PCDHA1: variants seen among roughly 807,000 people sequenced by gnomAD.
The protein encoded by PCDHA1 is protocadherin alpha 1, also known as protocadherin alpha-1.
PCDHA1 carries 42 observed loss-of-function variants against 61.3 expected under a neutral mutation model. The observed-to-expected ratio is 0.69, with a 90% CI of 0.54 to 0.89. The LOEUF (loss-of-function observed/expected upper bound fraction) is 0.89, where lower values mean the gene tolerates loss of function less well. Ranked by LOEUF, PCDHA1 falls within the 40% of genes least tolerant of loss-of-function variation. The pLI, the probability that PCDHA1 is intolerant of heterozygous loss-of-function variation, is 0.00. For missense variants in PCDHA1, 1,256 were observed against 1,235.3 expected (o/e 1.02, Z -0.25); for synonymous variants, 610 against 553.8 (o/e 1.10, Z -1.43).
chr5:140,928,050 G>A (rs782229340), intron 1 of PCDHA1: 3 of 1,614,180 alleles, frequency 1.9e-6, no homozygotes, highest in Non-Finnish European at 2.5e-6. Flanking sequence ...GCCCTTTTCA[G>A]CTGACGGCTT....
At chr5:140,791,569 T>A (rs1761660820) in intron 1 of PCDHA1, among the ~76,000 whole-genome samples, 1 of 124,728 alleles carries the variant, frequency 8.0e-6, no homozygotes, top group Non-Finnish European at 1.8e-5. Context: ...ACCAGATAAA[T>A]TTTAAGAGGG....
intron 1 of PCDHA1, among the ~76,000 whole-genome samples, chr5:140,904,286 T>A (rs2071021710): frequency 6.6e-6 from 1 of 152,150 alleles, no homozygotes; most frequent in South Asian, 2.1e-4. Context: ...ATGTGGTGTT[T>A]GGTTTTCCAT....
At chr5:140,798,956 G>C (rs1372763239) in intron 1 of PCDHA1, among the ~76,000 whole-genome samples, 1 of 152,212 alleles carries the variant, frequency 6.6e-6, no homozygotes, top group Middle Eastern at 3.4e-3. Flanking sequence ...CTTACCTTTA[G>C]CCATTTCATA....
chr5:140,866,884 T>C (rs1016288169), intron 1 of PCDHA1: 1 of 152,130 alleles, frequency 6.6e-6, no homozygotes, highest in Non-Finnish European at 1.5e-5. Flanking sequence ...TATTAGCCTA[T>C]ACCCAGATAT....
At chr5:140,876,991 T>C in intron 1 of PCDHA1, 1 of 1,612,564 alleles carries the variant, frequency 6.2e-7, no homozygotes, top group Non-Finnish European at 8.5e-7. Flanking sequence ...ACTGTCGAGC[T>C]ACGTGTCGGT....
At chr5:140,847,783 T>G (rs1360011396) in intron 1 of PCDHA1, 1 of 149,840 alleles carries the variant, frequency 6.7e-6, no homozygotes, top group Non-Finnish European at 1.5e-5. Flanking sequence ...TCGCTTTTCT[T>G]GCAATATTTT....
At chr5:140,801,693 T>A in intron 1 of PCDHA1, 1 of 1,614,212 alleles carries the variant, frequency 6.2e-7, no homozygotes, top group Non-Finnish European at 8.5e-7. Context: ...CGGAACAAAT[T>A]CGTTGTTGAC....
chr5:140,875,151 A>G (rs1219163731), intron 1 of PCDHA1, among the ~76,000 whole-genome samples: 1 of 152,220 alleles, frequency 6.6e-6, no homozygotes, highest in Non-Finnish European at 1.5e-5. Flanking sequence ...ATGATCCGTG[A>G]AAAATAACCC....
intron 1 of PCDHA1, among the ~76,000 whole-genome samples, chr5:140,912,566 T>G (rs1562988008): frequency 2.0e-5 from 3 of 152,178 alleles, no homozygotes; most frequent in Admixed American, 1.3e-4. Context: ...CAGTTTTAAC[T>G]TCCTCTTTTC....
chr5:140,808,540 C>T (rs782636671), intron 1 of PCDHA1: 75 of 1,614,030 alleles, frequency 4.6e-5, no homozygotes, highest in Non-Finnish European at 5.6e-5. Context: ...TGAACGACAA[C>T]GCTCCGGCGT....
intron 1 of PCDHA1, chr5:140,850,196 A>T: frequency 6.3e-7 from 1 of 1,592,830 alleles, no homozygotes; most frequent in Non-Finnish European, 8.6e-7. Flanking sequence ...CGCTGCTGAC[A>T]CCTCGGATGA....
chr5:140,974,680 T>C (rs2096636478), intron 1 of PCDHA1, among the ~76,000 whole-genome samples: 1 of 152,074 alleles, frequency 6.6e-6, no homozygotes, highest in African/African-American at 2.4e-5. Flanking sequence ...CCTGGCTAAT[T>C]TTGTATTTTT....
At chr5:140,813,102 C>T (rs2126643889) in intron 1 of PCDHA1, 4 of 152,228 alleles carry the variant, frequency 2.6e-5, no homozygotes, top group African/African-American at 9.6e-5. Flanking sequence ...CTTGAGAAGA[C>T]TGTATATTTG....
intron 1 of PCDHA1, among the ~76,000 whole-genome samples, chr5:140,934,475 A>G (rs1554209923): frequency 6.6e-6 from 1 of 152,172 alleles, no homozygotes; most frequent in African/African-American, 2.4e-5. Context: ...ATTATTTTGA[A>G]AATTATATTC....
chr5:141,008,654 C>T (rs1554261865), intron 3 of PCDHA1, among the ~76,000 whole-genome samples: 1 of 152,124 alleles, frequency 6.6e-6, no homozygotes, highest in Non-Finnish European at 1.5e-5. Context: ...TTCTGGAGTC[C>T]CACAATACTT....
chr5:140,967,023 G>A, intron 1 of PCDHA1: 1 of 1,608,160 alleles, frequency 6.2e-7, no homozygotes, highest in South Asian at 1.1e-5. Context: ...GGTGCGCCCA[G>A]TCCGCGCTAC....
intron 1 of PCDHA1, chr5:140,967,578 C>T (rs868970551): frequency 1.9e-6 from 3 of 1,614,000 alleles, no homozygotes; most frequent in Non-Finnish European, 2.5e-6. Flanking sequence ...GAGGACTCAC[C>T]CCCAGGCACA....
At chr5:140,896,099 C>T (rs1395621401) in intron 1 of PCDHA1, among the ~76,000 whole-genome samples, 1 of 152,236 alleles carries the variant, frequency 6.6e-6, no homozygotes, top group Non-Finnish European at 1.5e-5. Context: ...GCGTGAGCCA[C>T]TGTGCCTGGC....
intron 1 of PCDHA1, among the ~76,000 whole-genome samples, chr5:140,948,191 C>A (rs2094221032): frequency 6.6e-6 from 1 of 151,562 alleles, no homozygotes; most frequent in African/African-American, 2.4e-5. Context: ...CCCACTTAGT[C>A]ATGATATATT....
Sources: gnomAD v4.1 joint callset for allele counts (sites outside exome capture counted in the v4.1 genomes callset) on GRCh38, gnomAD v4.1.1 for gene constraint, MANE v1.5 for transcripts, NCBI Gene and HGNC (gene_info 2026-07-23, HGNC 2026-07-21) for gene names.